Variants in TTC27 observed in about 807,000 individuals in gnomAD.
TTC27 encodes the protein tetratricopeptide repeat protein 27.
A neutral mutation model predicts 115.9 loss-of-function variants in TTC27; 79 were observed. The ratio of observed to expected loss-of-function variants is 0.68; its 90% confidence interval spans 0.57 to 0.82. TTC27 has a LOEUF of 0.82. Among genes scored for constraint, TTC27 ranks in the 40% least tolerant of loss-of-function variants. The pLI, the probability that TTC27 is intolerant of heterozygous loss-of-function variation, is 0.00. For missense variants in TTC27, 1,054 were observed against 993.1 expected, an observed-to-expected ratio of 1.06 and a Z score of -0.82; for synonymous variants, 401 against 356.0, an observed-to-expected ratio of 1.13 and a Z score of -1.42.
intron 5 of TTC27, among the ~76,000 whole-genome samples, chr2:32,651,503 C>A (rs562668290): frequency 6.6e-6 from 1 of 152,164 alleles, no homozygotes; most frequent in African/African-American, 2.4e-5. Flanking sequence ...TGTGCCACCA[C>A]GCCTGGCTAA....
intron 1 of TTC27, among the ~76,000 whole-genome samples, chr2:32,629,281 CCGG>C (rs1355947292): frequency 4.6e-5 from 7 of 151,428 alleles, no homozygotes; most frequent in African/African-American, 1.7e-4. Context: ...ACCACCATGC[CCGG>C]CTAATTTTGT....
At chr2:32,664,835 CTTTT>C (rs1233866120) in intron 6 of TTC27, among the ~76,000 whole-genome samples, 1 of 137,006 alleles carries the variant, frequency 7.3e-6, no homozygotes, top group African/African-American at 2.7e-5. Context: ...TTCCATCTTG[CTTTT>C]TTTTTTTTTT....
intron 9 of TTC27, among the ~76,000 whole-genome samples, chr2:32,698,195 G>C (rs1667058223): frequency 6.6e-6 from 1 of 152,032 alleles, no homozygotes; most frequent in Admixed American, 6.6e-5. Context: ...GTGCAGTAGT[G>C]TGATCATGGC....
At chr2:32,635,810 A>G (rs1664402300) in intron 3 of TTC27, among the ~76,000 whole-genome samples, 1 of 152,214 alleles carries the variant, frequency 6.6e-6, no homozygotes, top group Admixed American at 6.5e-5. Flanking sequence ...CATAAAGTGA[A>G]AACCACAATA....
At chr2:32,741,459 T>C (rs1013556634) in intron 12 of TTC27, among the ~76,000 whole-genome samples, 1 of 149,646 alleles carries the variant, frequency 6.7e-6, no homozygotes, top group African/African-American at 2.5e-5. Flanking sequence ...CTGGCTAATA[T>C]GGTGAAACCC....
At chr2:32,807,044 C>A (rs1196298151) in intron 16 of TTC27, among the ~76,000 whole-genome samples, 2 of 152,068 alleles carry the variant, frequency 1.3e-5, no homozygotes, top group Non-Finnish European at 2.9e-5. Flanking sequence ...CAGCACTCCC[C>A]ATATTCCCCA....
intron 5 of TTC27, among the ~76,000 whole-genome samples, chr2:32,655,648 A>T (rs1665287791): frequency 6.6e-6 from 1 of 151,930 alleles, no homozygotes; most frequent in Non-Finnish European, 1.5e-5. Context: ...CTAAAAAATT[A>T]TCCCCTTTTT....
At chr2:32,742,128 G>A (rs970292414) in intron 12 of TTC27, among the ~76,000 whole-genome samples, 1 of 152,126 alleles carries the variant, frequency 6.6e-6, no homozygotes, top group Non-Finnish European at 1.5e-5. Flanking sequence ...TCACTTTACT[G>A]ATTAGCATTA....
intron 9 of TTC27, among the ~76,000 whole-genome samples, chr2:32,691,343 G>A (rs2151895053): frequency 6.7e-6 from 1 of 149,268 alleles, no homozygotes; most frequent in South Asian, 2.1e-4. Context: ...TCTCTGCCCA[G>A]GCTGGAGTGC....
chr2:32,712,670 G>C (rs1258659841), intron 10 of TTC27, among the ~76,000 whole-genome samples: 1 of 151,488 alleles, frequency 6.6e-6, no homozygotes, highest in Non-Finnish European at 1.5e-5. Flanking sequence ...TGTTTCTCCT[G>C]CCTTAGCCTC....
intron 12 of TTC27, among the ~76,000 whole-genome samples, chr2:32,755,606 GGGAGAGGGAGACCGTGGGGAGAC>G (rs1261830826): frequency 7.1e-6 from 1 of 140,598 alleles, no homozygotes; most frequent in Non-Finnish European, 1.6e-5. Flanking sequence ...TGGAAAGAGA[GGGAGAGGGAGACCGTGGGGAGAC>G]GGAGAGGGAG....
At chr2:32,716,574 A>G (rs776242636) in intron 10 of TTC27, among the ~76,000 whole-genome samples, 1 of 152,228 alleles carries the variant, frequency 6.6e-6, no homozygotes, top group Admixed American at 6.5e-5. Context: ...CACTATGACT[A>G]AGGAAGAAAT....
chr2:32,687,700 C>G (rs1328628939), intron 9 of TTC27, among the ~76,000 whole-genome samples: 1 of 151,974 alleles, frequency 6.6e-6, no homozygotes, highest in African/African-American at 2.4e-5. Flanking sequence ...AAGAATATTT[C>G]CAGAGACAGA....
At chr2:32,756,602 A>C (rs914461278) in intron 12 of TTC27, among the ~76,000 whole-genome samples, 1 of 152,250 alleles carries the variant, frequency 6.6e-6, no homozygotes, top group Admixed American at 6.5e-5. Flanking sequence ...CTTTTAAAAG[A>C]GTTCACAAAA....
intron 10 of TTC27, among the ~76,000 whole-genome samples, chr2:32,710,264 T>C (rs1441044054): frequency 1.3e-5 from 2 of 152,128 alleles, no homozygotes; most frequent in African/African-American, 2.4e-5. Context: ...CTAGACTACA[T>C]CACTTATTGA....
At chr2:32,763,441 A>G (rs564239759) in intron 13 of TTC27, among the ~76,000 whole-genome samples, 2 of 152,376 alleles carry the variant, frequency 1.3e-5, no homozygotes, top group East Asian at 3.9e-4. Context: ...AGGCAAACCA[A>G]AGTGGTATTT....
intron 4 of TTC27, among the ~76,000 whole-genome samples, chr2:32,645,705 C>G (rs1051843750): frequency 2.6e-5 from 4 of 151,910 alleles, no homozygotes; most frequent in Non-Finnish European, 5.9e-5. Context: ...CCGCCTCCCC[C>G]CAATTTTTTC....
chr2:32,642,974 A>G (rs2151864942), intron 4 of TTC27, among the ~76,000 whole-genome samples: 1 of 150,104 alleles, frequency 6.7e-6, no homozygotes, highest in African/African-American at 2.5e-5. Context: ...CAGCCTAGAA[A>G]GGTTTTTGTT....
At position 32,657,263 on chromosome 2, in the gene TTC27, G is replaced by A. The variant is rs529359634; in HGVS notation, c.640+7030G>A. Among the ~76,000 whole-genome samples the A allele has an allele frequency of 5.3e-5, 8 of 152,044 alleles. No individual in the cohort carries two copies. In the South Asian group the frequency reaches 1.7e-3, roughly 32 times the overall value. On this transcript the variant is annotated intron_variant, in intron 5 of 19. Transcript: ENST00000317907. ...GTGAAGTTCACGTTAGGATGCCTAT[G>A]TGCCTTCTGAGGTGAGACATGTACA...
Sources: allele counts gnomAD v4.1 joint callset (sites outside exome capture counted in the v4.1 genomes callset), GRCh38; gene constraint gnomAD v4.1.1; transcripts MANE v1.5; gene names NCBI Gene and HGNC (gene_info 2026-07-23, HGNC 2026-07-21).